NECAB2: variants seen among roughly 807,000 people sequenced by gnomAD.
NECAB2 encodes N-terminal EF-hand calcium binding protein 2.
A neutral mutation model predicts 51.9 loss-of-function variants in NECAB2; 68 were observed. That is an observed-to-expected ratio of 1.31 (90% confidence interval 1.08 to 1.60). NECAB2 has a LOEUF of 1.60. NECAB2 is among the 40% of genes most tolerant of loss of function. NECAB2 has a pLI of 0.00. For synonymous variants in NECAB2, 329 were observed against 203.5 expected, an observed-to-expected ratio of 1.62 and a Z score of -5.25; for missense variants, 854 against 490.3, an observed-to-expected ratio of 1.74 and a Z score of -7.00.
intron 10 of NECAB2, among the ~76,000 whole-genome samples, chr16:83,998,815 G>T (rs1054971589): frequency 7.6e-6 from 1 of 131,246 alleles, no homozygotes; most frequent in Non-Finnish European, 1.6e-5. Flanking sequence ...CCCCTGATGT[G>T]CTGAGATGTC....
upstream of NECAB2, among the ~76,000 whole-genome samples, chr16:83,968,121 A>C (rs1471083362): frequency 6.6e-6 from 1 of 151,184 alleles, no homozygotes. Context: ...GGGGGCGTGC[A>C]CGCCCGCGGG....
At chr16:83,994,483 C>T (rs2292325) in intron 7 of NECAB2, 63 bp downstream of exon 7, 41,680 of 1,596,080 alleles carry the variant, frequency 0.026, 891 homozygotes, top group Admixed American at 0.096. Context: ...TTCTGAGAGT[C>T]CTCTGACAGG....
intron 5 of NECAB2, among the ~76,000 whole-genome samples, chr16:83,984,246 C>T (rs896410114): frequency 2.0e-5 from 3 of 151,810 alleles, no homozygotes; most frequent in Non-Finnish European, 4.4e-5. Flanking sequence ...CTGTCCTCCT[C>T]GGCCTCCCAA....
chr16:83,993,592 C>G (rs1567674915), intron 6 of NECAB2: 1 of 152,850 alleles, frequency 6.5e-6, no homozygotes, highest in African/African-American at 2.5e-5. Flanking sequence ...TGAGTCCCTA[C>G]TATGTGCTGG....
At chr16:83,977,586 A>G (rs897295084) in intron 2 of NECAB2, among the ~76,000 whole-genome samples, 3 of 152,012 alleles carry the variant, frequency 2.0e-5, no homozygotes, top group Non-Finnish European at 4.4e-5. Context: ...GAGCCCCTCC[A>G]CAGAGGAGCT....
Position 84,001,824 on chromosome 16 carries a change from G to T in NECAB2, c.1041-1G>T. The T allele has an allele frequency of 6.2e-7, 1 of 1,613,990 alleles. No homozygotes were observed. The highest frequency in any genetic ancestry group is 8.5e-7 in the Non-Finnish European group (1 of 1,179,914). On this transcript the variant is annotated splice_acceptor_variant, in intron 11 of 12. Coordinates refer to ENST00000305202, the MANE Select transcript of NECAB2 (RefSeq NM_019065.3). LOFTEE classifies it high-confidence loss of function. ...GACTCACACATGTCCCTGCGTCACA[G>T]GCACCTGCAGAGCCCCCTGTGTAAG...
chr16:83,990,680 G>A (rs190620829), intron 6 of NECAB2, 50 bp downstream of exon 6: 36 of 1,597,370 alleles, frequency 2.3e-5, no homozygotes, highest in East Asian at 2.0e-4. Context: ...CCGTGCACGC[G>A]CACGTGCCCA....
chr16:83,997,398 C>T, intron 9 of NECAB2, 129 bp downstream of exon 9: 2 of 1,227,256 alleles, frequency 1.6e-6, no homozygotes, highest in Non-Finnish European at 2.3e-6. Flanking sequence ...GAGATGTCGC[C>T]CAGCGCTTGG....
At chr16:84,001,611 T>C (rs9927612) in intron 11 of NECAB2, among the ~76,000 whole-genome samples, 1 of 151,884 alleles carries the variant, frequency 6.6e-6, no homozygotes, top group Non-Finnish European at 1.5e-5. Flanking sequence ...CGCTGCCCAT[T>C]TATAGCTCAC....
At chr16:83,980,258 C>T (rs1247066514) in intron 3 of NECAB2, among the ~76,000 whole-genome samples, 1 of 152,230 alleles carries the variant, frequency 6.6e-6, no homozygotes, top group Non-Finnish European at 1.5e-5. Flanking sequence ...CCATAGTTCC[C>T]AGCACTGCAC....
intron 10 of NECAB2, among the ~76,000 whole-genome samples, chr16:83,999,498 A>C (rs2084778390): frequency 1.3e-5 from 2 of 152,134 alleles, no homozygotes; most frequent in African/African-American, 4.8e-5. Flanking sequence ...TGGTGCACCT[A>C]AAGCTGCACG....
chr16:83,966,657 T>C (rs1163944295), upstream of NECAB2, among the ~76,000 whole-genome samples: 1 of 152,092 alleles, frequency 6.6e-6, no homozygotes, highest in East Asian at 1.9e-4. Context: ...CTCCTTTCAG[T>C]CCCTCCTGCT....
intron 2 of NECAB2, among the ~76,000 whole-genome samples, chr16:83,974,118 G>A (rs1317178791): frequency 6.6e-6 from 1 of 152,016 alleles, no homozygotes; most frequent in Non-Finnish European, 1.5e-5. Context: ...TCTCCTTGGG[G>A]CTTACATCTT....
chr16:83,970,831 G>A (rs1196807158), intron 1 of NECAB2, among the ~76,000 whole-genome samples: 5 of 152,174 alleles, frequency 3.3e-5, no homozygotes, highest in African/African-American at 7.2e-5. Context: ...CGTGGCTCAC[G>A]CCTGTAATCC....
rs2084316939 is a variant in NECAB2 at position 83,968,753 on chromosome 16, C to T, written c.105C>T (p.Gly35=). The T allele has an allele frequency of 2.8e-6, 3 of 1,078,102 alleles. No homozygotes were observed. The highest frequency in any genetic ancestry group is 3.4e-6 in the Non-Finnish European group (3 of 891,762). 66.8% of individuals were successfully genotyped at this position (1,078,102 alleles called of 1,614,324 possible). The part of the protein sequence containing the change: ...RALGGLLRWV[G]ARMGEPRESL... ...TGGGCGGGCTGCTGCGCTGGGTGGGCGCCAGGATGGGCGAGCCCCGGGAGT... is the reference window on the plus strand; with the variant it reads ...TGGGCGGGCTGCTGCGCTGGGTGGGTGCCAGGATGGGCGAGCCCCGGGAGT... Residue 35 remains glycine, a synonymous_variant, in exon 1 of 13, where the codon GGC becomes GGT. Coordinates refer to ENST00000305202, the MANE Select transcript of NECAB2 (RefSeq NM_019065.3).
chr16:83,988,807 G>A (rs1280456795), intron 5 of NECAB2, among the ~76,000 whole-genome samples: 1 of 149,526 alleles, frequency 6.7e-6, no homozygotes, highest in Non-Finnish European at 1.5e-5. Flanking sequence ...TGTGGAGCTG[G>A]TCTCTTGTCT....
At chr16:83,988,875 G>A (rs2084587358) in intron 5 of NECAB2, among the ~76,000 whole-genome samples, 1 of 152,142 alleles carries the variant, frequency 6.6e-6, no homozygotes, top group Non-Finnish European at 1.5e-5. Context: ...ATAGGCACGT[G>A]TACCCCTGTG....
chr16:83,993,169 C>T (rs1259144876), intron 6 of NECAB2, among the ~76,000 whole-genome samples: 2 of 152,170 alleles, frequency 1.3e-5, no homozygotes, highest in Admixed American at 6.5e-5. Flanking sequence ...TGTTTCCCAG[C>T]CCCAGGACAG....
chr16:83,994,711 C>A (rs374435690), intron 8 of NECAB2, 23 bp downstream of exon 8: 1 of 1,612,800 alleles, frequency 6.2e-7, no homozygotes, highest in East Asian at 2.2e-5. Context: ...CTGACCACGG[C>A]GTCTACTCCT....
Sources: allele counts gnomAD v4.1 joint callset (sites outside exome capture counted in the v4.1 genomes callset), GRCh38; gene constraint gnomAD v4.1.1; transcripts MANE v1.5; gene names NCBI Gene and HGNC (gene_info 2026-07-23, HGNC 2026-07-21).